DTD1: variants seen among roughly 807,000 people sequenced by gnomAD.
The protein encoded by DTD1 is D-aminoacyl-tRNA deacylase 1.
A neutral mutation model predicts 25.6 loss-of-function variants in DTD1; 13 were observed. That is an observed-to-expected ratio of 0.51 (90% CI 0.33 to 0.81). The LOEUF is 0.81. Ranked by LOEUF, DTD1 falls within the 30% of genes least tolerant of loss-of-function variation. DTD1 has a pLI of 0.02. For synonymous variants in DTD1, 110 were observed against 103.6 expected (o/e 1.06, Z -0.37); for missense variants, 193 against 266.4 (o/e 0.72, Z 1.92).
At chr20:18,632,268 G>A (rs2060791513) in intron 4 of DTD1, 1 of 985,268 alleles carries the variant, frequency 1.0e-6, no homozygotes, top group Non-Finnish European at 1.2e-6. Flanking sequence ...AATCCTTTAG[G>A]AGTTTTCTCC....
chr20:18,705,624 G>T (rs930051588), intron 4 of DTD1, among the ~76,000 whole-genome samples: 1 of 152,048 alleles, frequency 6.6e-6, no homozygotes, highest in Non-Finnish European at 1.5e-5. Context: ...TCACATGATG[G>T]TGAGCTCAGA....
chr20:18,667,458 T>C (rs1460539349), intron 4 of DTD1, among the ~76,000 whole-genome samples: 1 of 152,208 alleles, frequency 6.6e-6, no homozygotes, highest in Non-Finnish European at 1.5e-5. Flanking sequence ...GAGGAGGTTT[T>C]GGGACTCGGG....
chr20:18,709,426 C>T (rs764651985), intron 4 of DTD1, among the ~76,000 whole-genome samples: 1 of 152,146 alleles, frequency 6.6e-6, no homozygotes, highest in South Asian at 2.1e-4. Flanking sequence ...TTCTGTATTA[C>T]TCTCCATACC....
chr20:18,704,232 G>C (rs1011540611), intron 4 of DTD1, among the ~76,000 whole-genome samples: 1 of 152,036 alleles, frequency 6.6e-6, no homozygotes, highest in Non-Finnish European at 1.5e-5. Flanking sequence ...GATCTCCTGA[G>C]CTCGTGATCC....
intron 4 of DTD1, among the ~76,000 whole-genome samples, chr20:18,724,958 C>G (rs996369157): frequency 4.6e-5 from 7 of 152,226 alleles, no homozygotes; most frequent in African/African-American, 1.7e-4. Flanking sequence ...AGGGAAGCCC[C>G]TACATGGGGC....
Position 18,656,401 on chromosome 20 carries a change from C to T in DTD1, c.477+28168C>T, listed in dbSNP as rs140598413. On this transcript the variant is annotated intron_variant, in intron 4 of 5. Coordinates refer to ENST00000377452, the MANE Select transcript of DTD1 (RefSeq NM_080820.6). ...AAGTTAATTTTGCTAAAGTACTACA[C>T]GGTTTGGCAAGAGTCTCCTCCATCT... Among the ~76,000 whole-genome samples, 17 of 152,306 alleles carry T rather than the reference C, an allele frequency of 1.1e-4. No individual in the cohort carries two copies. In the South Asian group the frequency reaches 2.3e-3, roughly 20 times the overall value.
At chr20:18,608,603 C>A (rs959965743) in intron 3 of DTD1, among the ~76,000 whole-genome samples, 1 of 152,062 alleles carries the variant, frequency 6.6e-6, no homozygotes, top group African/African-American at 2.4e-5. Context: ...TTCTCTTTTC[C>A]CCACTTTTGT....
chr20:18,706,379 T>C (rs1022699268), intron 4 of DTD1, among the ~76,000 whole-genome samples: 1 of 152,214 alleles, frequency 6.6e-6, no homozygotes, highest in African/African-American at 2.4e-5. Flanking sequence ...TTAGAAGGCA[T>C]AAATAAATAA....
At chr20:18,706,693 C>A (rs1726058648) in intron 4 of DTD1, among the ~76,000 whole-genome samples, 1 of 152,094 alleles carries the variant, frequency 6.6e-6, no homozygotes, top group African/African-American at 2.4e-5. Flanking sequence ...CAGAAAATGA[C>A]CTTTTACTTG....
At chr20:18,629,255 C>G (rs1275380962) in intron 4 of DTD1, among the ~76,000 whole-genome samples, 3 of 149,588 alleles carry the variant, frequency 2.0e-5, no homozygotes, top group Non-Finnish European at 4.4e-5. Flanking sequence ...CACGGCCTCC[C>G]AAAGTGCTGG....
intron 4 of DTD1, among the ~76,000 whole-genome samples, chr20:18,634,909 T>C (rs2060801203): frequency 6.6e-6 from 1 of 152,228 alleles, no homozygotes; most frequent in African/African-American, 2.4e-5. Context: ...ACTTGCTGCA[T>C]ATTTCAGTTT....
At chr20:18,683,827 A>T (rs938366907) in intron 4 of DTD1, among the ~76,000 whole-genome samples, 6 of 152,198 alleles carry the variant, frequency 3.9e-5, no homozygotes, top group African/African-American at 1.4e-4. Flanking sequence ...TTCTTGCTTG[A>T]TTCCAAGGAC....
At chr20:18,634,799 C>A (rs1431248457) in intron 4 of DTD1, among the ~76,000 whole-genome samples, 2 of 152,070 alleles carry the variant, frequency 1.3e-5, no homozygotes, top group African/African-American at 4.8e-5. Flanking sequence ...CTTTTGATTA[C>A]CTGCTGTGGA....
intron 4 of DTD1, among the ~76,000 whole-genome samples, chr20:18,669,877 G>C (rs6081285): frequency 0.31 from 46,971 of 152,032 alleles, 7,863 homozygotes; most frequent in Non-Finnish European, 0.38. Context: ...GCTGGCTCCA[G>C]TTCCATTGGG....
chr20:18,644,860 A>T (rs1568656797), intron 4 of DTD1, among the ~76,000 whole-genome samples: 1 of 152,124 alleles, frequency 6.6e-6, no homozygotes, highest in East Asian at 1.9e-4. Context: ...ACCGTGGCGT[A>T]TGGGGCCAGG....
At chr20:18,652,292 C>T (rs1027813026) in intron 4 of DTD1, among the ~76,000 whole-genome samples, 9 of 152,172 alleles carry the variant, frequency 5.9e-5, no homozygotes, top group Admixed American at 5.2e-4. Flanking sequence ...AAAATAATAG[C>T]TATAAAAATA....
chr20:18,607,636 CT>C (rs1568643736), intron 3 of DTD1, among the ~76,000 whole-genome samples: 1 of 152,022 alleles, frequency 6.6e-6, no homozygotes, highest in Non-Finnish European at 1.5e-5. Context: ...CCTGGTGTTT[CT>C]TTTTGAAAGG....
At chr20:18,730,376 G>T (rs1471574087) in intron 4 of DTD1, among the ~76,000 whole-genome samples, 2 of 152,176 alleles carry the variant, frequency 1.3e-5, no homozygotes, top group South Asian at 2.1e-4. Flanking sequence ...TTTAAAATAT[G>T]CATTGCCAAA....
chr20:18,622,321 CT>C (rs112454002), intron 3 of DTD1, among the ~76,000 whole-genome samples: 54 of 152,158 alleles, frequency 3.5e-4, no homozygotes, highest in African/African-American at 1.3e-3. Flanking sequence ...CTTATGACAT[CT>C]TTTTAAATAC....
Sources: gnomAD v4.1 joint callset for allele counts (sites outside exome capture counted in the v4.1 genomes callset) on GRCh38, gnomAD v4.1.1 for gene constraint, MANE v1.5 for transcripts, NCBI Gene and HGNC (gene_info 2026-07-23, HGNC 2026-07-21) for gene names.